The following POLG variants were observed in gnomAD, a reference collection of about 807,000 sequenced individuals.
POLG encodes DNA polymerase gamma, catalytic subunit, also known as DNA polymerase subunit gamma-1.
A neutral mutation model predicts 155.4 loss-of-function variants in POLG; 110 were observed. That is an observed-to-expected ratio of 0.71 (90% CI 0.61 to 0.83). The LOEUF is 0.83. Among genes scored for constraint, POLG ranks in the 40% least tolerant of loss-of-function variants. POLG has a pLI of 0.00. For synonymous variants in POLG, 701 were observed against 631.5 expected, an observed-to-expected ratio of 1.11 and a Z score of -1.65; for missense variants, 1,685 against 1,627.5, an observed-to-expected ratio of 1.04 and a Z score of -0.61.
At position 89,324,100 on chromosome 15, in the gene POLG, C is replaced by G; in HGVS notation, c.2070+7G>C. 6.2e-7 allele frequency: 1 copy of G among 1,613,952 alleles called. No individual in the cohort carries two copies. The highest frequency in any genetic ancestry group is 8.5e-7 in the Non-Finnish European group (1 of 1,180,032). On this transcript the variant is annotated splice_region_variant and intron_variant, in intron 11 of 22. Coordinates refer to ENST00000268124, the MANE Select transcript of POLG (RefSeq NM_002693.3). ...CCCCAAAGCTCAGGTTCAGAGCCTGCCCTCACCGTTTGCCATATGGCACTA... is the reference window on the plus strand; with the variant it reads ...CCCCAAAGCTCAGGTTCAGAGCCTGGCCTCACCGTTTGCCATATGGCACTA...
In POLG at chr15:89,321,823, A is replaced by G. The variant is rs1555452884; in HGVS notation, c.2511T>C (p.Tyr837=). ...RHPDYDEEGL[Y]GAILPQVVTA... is the part of the protein sequence containing the mutation. ...TCACCACTTGGGGCAGGATGGCCCC[A>G]TAGAGGCCTTCCTCATCATAGTCGG... Residue 837 remains tyrosine, a synonymous_variant, in exon 16 of 23, where the codon TAT becomes TAC. Coordinates refer to ENST00000268124, the MANE Select transcript of POLG (RefSeq NM_002693.3). The G allele has an allele frequency of 1.9e-6, 3 of 1,614,074 alleles. No homozygotes were observed. Among genetic ancestry groups the G allele is most frequent in the Non-Finnish European group, 2.5e-6 (3 of 1,179,920 alleles).
Position 89,327,060 on chromosome 15 carries a change from G to A in POLG, c.1437C>T (p.Tyr479=). 2 of 1,614,206 alleles carry A rather than the reference G, an allele frequency of 1.2e-6. No homozygotes were observed. Among genetic ancestry groups the A allele is most frequent in the Non-Finnish European group, 1.7e-6 (2 of 1,180,034 alleles). ...DACQLLSGER[Y]KEDPWLWDLE... ...GGTCCCAGAGCCAGGGGTCTTCTTT[G>A]TACCTACAGAGCCAGTCCACTAGGG... Residue 479 remains tyrosine (Y), a synonymous_variant, in exon 8 of 23, where the codon TAC becomes TAT. Coordinates refer to ENST00000268124, the MANE Select transcript of POLG (RefSeq NM_002693.3).
intron 22 of POLG, 58 bp from the exon 23 acceptor site, chr15:89,316,885 A>C: frequency 8.0e-7 from 1 of 1,246,680 alleles, no homozygotes; most frequent in Non-Finnish European, 1.2e-6. Flanking sequence ...CTGAGAGCTC[A>C]GAAGTGAGCA....
chr15:89,324,030 C>T, intron 11 of POLG, 77 bp downstream of exon 11: 2 of 1,601,618 alleles, frequency 1.2e-6, no homozygotes, highest in Admixed American at 1.7e-5. Flanking sequence ...CAGCCTCCCA[C>T]CCAAAGGCTG....
In POLG at chr15:89,322,957, G is replaced by A. The variant is rs2307446; in HGVS notation, c.2266-55C>T. On this transcript the variant is annotated intron_variant, in intron 13 of 22. Coordinates refer to ENST00000268124, the MANE Select transcript of POLG (RefSeq NM_002693.3). ...AGGCAGGTGGCAGACCCCTGGGTGGGGAACCAACGTGAGTACCTGCACTCC... is the reference window on the plus strand; with the variant it reads ...AGGCAGGTGGCAGACCCCTGGGTGGAGAACCAACGTGAGTACCTGCACTCC... 8,057 of 1,570,582 alleles carry A rather than the reference G, an allele frequency of 5.1e-3. 36 individuals carry two copies. Among genetic ancestry groups the A allele is most frequent in the Non-Finnish European group, 6.0e-3 (6,844 of 1,148,484 alleles).
At chr15:89,322,599 G>C in intron 14 of POLG, 143 bp downstream of exon 14, 2 of 834,734 alleles carry the variant, frequency 2.4e-6, no homozygotes, top group South Asian at 2.7e-5. Flanking sequence ...ACCTGCCCAA[G>C]GTCCATGGCA....
chr15:89,327,102 C>T (rs779789882), intron 7 of POLG, 39 bp from the exon 8 acceptor site: 10 of 1,614,026 alleles, frequency 6.2e-6, no homozygotes, highest in Admixed American at 1.7e-5. Context: ...TAAGGCTAAG[C>T]CGAAGGCTAG....
chr15:89,325,786 C>T, intron 9 of POLG, 100 bp from the exon 10 acceptor site: 1 of 959,494 alleles, frequency 1.0e-6, no homozygotes, highest in Non-Finnish European at 1.7e-6. Context: ...CTCCAAAGCC[C>T]TGGGGCTTTC....
intron 22 of POLG, 32 bp downstream of exon 22, chr15:89,317,344 T>C (rs1055159712): frequency 3.7e-6 from 6 of 1,609,250 alleles, no homozygotes; most frequent in Admixed American, 1.7e-5. Context: ...TCAGATCCTA[T>C]GTGTAATGAG....
chr15:89,328,305 T>G, intron 6 of POLG, 151 bp downstream of exon 6: 1 of 695,248 alleles, frequency 1.4e-6, no homozygotes, highest in South Asian at 1.6e-5. Context: ...AGGGCCCAGA[T>G]GGACACCACT....
chr15:89,331,839 C>A (rs938082211), intron 2 of POLG, among the ~76,000 whole-genome samples: 2 of 149,744 alleles, frequency 1.3e-5, no homozygotes, highest in African/African-American at 4.9e-5. Flanking sequence ...TTAACAGTGA[C>A]TTCTGCCATC....
intron 10 of POLG, among the ~76,000 whole-genome samples, chr15:89,324,782 T>A (rs1455854644): frequency 6.6e-6 from 1 of 152,240 alleles, no homozygotes; most frequent in Non-Finnish European, 1.5e-5. Flanking sequence ...CTCATGGGAC[T>A]CCTTGGGGAA....
At chr15:89,321,376 C>T (rs978426428) in intron 16 of POLG, 116 bp from the exon 17 acceptor site, 3 of 1,207,990 alleles carry the variant, frequency 2.5e-6, no homozygotes, top group Non-Finnish European at 3.6e-6. Flanking sequence ...GAATGCCAGA[C>T]AGCACTGCTG....
At position 89,326,733 on chromosome 15, in the gene POLG, C is replaced by G; in HGVS notation, c.1591G>C (p.Gly531Arg). The G allele has an allele frequency of 1.9e-6, 3 of 1,614,024 alleles. No individual in the cohort carries two copies. Among genetic ancestry groups the G allele is most frequent in the Non-Finnish European group, 2.5e-6 (3 of 1,180,038 alleles). The change falls in exon 9 of 23, where the codon GGC becomes CGC. Residue 531 changes from glycine to arginine, a missense_variant. By Grantham distance (125) the Gly-to-Arg change is moderately radical. This residue lies in a region of POLG where 1,210 missense variants were observed against 1,167.1 expected (regional missense o/e 1.04). Transcript: ENST00000268124. ...PGDPMDQEDL[G>R]PCSEEEEFQQ... Reference sequence around the variant, plus strand: ...AACTCCTCCTCCTCACTGCAGGGGCCGAGGTCTGTGAGGGTGGGGGAAGAC... The same window carrying G: ...AACTCCTCCTCCTCACTGCAGGGGCGGAGGTCTGTGAGGGTGGGGGAAGAC...
chr15:89,325,421 C>G (rs1345732028), intron 10 of POLG, 29 bp downstream of exon 10: 1 of 1,501,346 alleles, frequency 6.7e-7, no homozygotes, highest in East Asian at 2.3e-5. Context: ...TAGGCTCCAG[C>G]CCCTTCCTCC....
chr15:89,325,747 TTC>T (rs2055508908), intron 9 of POLG, 61 bp from the exon 10 acceptor site: 2 of 1,305,256 alleles, frequency 1.5e-6, no homozygotes, highest in Non-Finnish European at 2.2e-6. Flanking sequence ...GGGGGGAAGG[TTC>T]TCTCTCTCAC....
chr15:89,333,403 C>T lies in POLG; in HGVS notation c.352G>A (p.Val118Met), dbSNP rs778608349. The T allele has an allele frequency of 8.7e-6, 14 of 1,600,940 alleles. No homozygotes were observed. In the African/African-American group the frequency reaches 1.1e-4, roughly 12 times the overall value. Residue 118 changes from valine (V) to methionine (M), a missense_variant, in exon 2 of 23, where the codon GTG (valine) becomes ATG (methionine). Around this residue, in one of 3 missense-constraint regions of POLG, gnomAD observed 1,210 missense variants for 1,167.1 expected, o/e 1.04. Coordinates refer to ENST00000268124, the MANE Select transcript of POLG (RefSeq NM_002693.3). ...CGCAGCTCCACGTCGGGCAAGGGCA[C>T]GGCTGGCTGCCCCCAGAGCCCGTGC... ...QKHGLWGQPA[V>M]PLPDVELRLP... is the part of the protein sequence containing the mutation.
At chr15:89,320,703 T>G in intron 18 of POLG, 63 bp downstream of exon 18, 1 of 1,589,700 alleles carries the variant, frequency 6.3e-7, no homozygotes, top group Non-Finnish European at 8.6e-7. Context: ...ATGGTAGTAC[T>G]AAAGGACAGT....
intron 9 of POLG, among the ~76,000 whole-genome samples, 162 bp downstream of exon 9, chr15:89,326,450 G>T (rs1002378182): frequency 1.3e-5 from 2 of 152,230 alleles, no homozygotes; most frequent in East Asian, 3.9e-4. Flanking sequence ...GGTCCAGAGT[G>T]AGCAAATGAG....
Sources: gnomAD v4.1 joint callset for allele counts (sites outside exome capture counted in the v4.1 genomes callset) on GRCh38, gnomAD v4.1.1 for gene constraint, gnomAD v4.1.1 regional missense constraint, MANE v1.5 for transcripts, NCBI Gene and HGNC (gene_info 2026-07-23, HGNC 2026-07-21) for gene names.